LRP5: variants seen among roughly 807,000 people sequenced by gnomAD.
The protein encoded by LRP5 is low-density lipoprotein receptor-related protein 5.
LRP5 carries 62 observed loss-of-function variants against 154.1 expected under a neutral mutation model. The ratio of observed to expected loss-of-function variants is 0.40; its 90% CI spans 0.33 to 0.50. LRP5 has a LOEUF of 0.50. Among genes scored for constraint, LRP5 ranks in the 20% least tolerant of loss-of-function variants. The probability of loss-of-function intolerance (pLI) is 0.55; values close to 1 mark genes in which losing one functional copy is unlikely to be tolerated. For missense variants in LRP5, 1,915 were observed against 2,336.7 expected (o/e 0.82, Z 3.72); for synonymous variants, 966 against 1,011.5 (o/e 0.96, Z 0.85).
the LRP5 span, among the ~76,000 whole-genome samples, chr11:68,306,343 C>G: frequency 6.6e-6 from 1 of 152,088 alleles, no homozygotes; most frequent in Admixed American, 6.6e-5. Flanking sequence ...ATCATGTTGG[C>G]CAGGCTGCTC....
At chr11:68,330,117 G>A (rs2889082) in intron 1 of LRP5, among the ~76,000 whole-genome samples, 1 of 152,198 alleles carries the variant, frequency 6.6e-6, no homozygotes, top group East Asian at 1.9e-4. Flanking sequence ...GGCTTGCAGA[G>A]TATGTGTGCA....
At chr11:68,364,868 A>G (rs1447186512) in intron 4 of LRP5, among the ~76,000 whole-genome samples, 1 of 152,040 alleles carries the variant, frequency 6.6e-6, no homozygotes, top group Non-Finnish European at 1.5e-5. Context: ...TGAGGGAGGG[A>G]GAGGTTCATT....
intron 13 of LRP5, among the ~76,000 whole-genome samples, chr11:68,420,529 A>T (rs2098664955): frequency 6.6e-6 from 1 of 151,980 alleles, no homozygotes; most frequent in Admixed American, 6.6e-5. Context: ...ACATAGTGAA[A>T]CCCTGGCTCT....
chr11:68,411,034 G>T lies in LRP5; in HGVS notation c.2319-402G>T, dbSNP rs372105268. ...GAGCCCAGAGCCGAGTTTACATCCG[G>T]ATCCCGCAAGGCCTCCCCTGCCCTG... On this transcript the variant is annotated intron_variant, in intron 10 of 22. Coordinates refer to ENST00000294304, the MANE Select transcript of LRP5 (RefSeq NM_002335.4). Among the ~76,000 whole-genome samples, 47 of 152,278 alleles carry T rather than the reference G, an allele frequency of 3.1e-4. No individual in the cohort carries two copies. In the East Asian group the frequency reaches 5.8e-3, roughly 19 times the overall value.
intron 21 of LRP5, among the ~76,000 whole-genome samples, chr11:68,445,909 A>G (rs1437733884): frequency 6.6e-6 from 1 of 152,218 alleles, no homozygotes; most frequent in African/African-American, 2.4e-5. Flanking sequence ...CTTCTGTGTC[A>G]GGGCTTCAGC....
At chr11:68,326,269 A>G (rs913421802) in intron 1 of LRP5, among the ~76,000 whole-genome samples, 3 of 151,988 alleles carry the variant, frequency 2.0e-5, no homozygotes, top group Non-Finnish European at 4.4e-5. Flanking sequence ...CTGACTATCT[A>G]TTTGTAGGTG....
Position 68,429,670 on chromosome 11 carries a change from G to A in LRP5, c.3733G>A (p.Val1245Met), listed in dbSNP as rs1215728276. 1.3e-5 allele frequency: 21 copies of A among 1,614,012 alleles called. No individual in the cohort carries two copies. Among genetic ancestry groups the A allele is most frequent in the African/African-American group, 4.0e-5 (3 of 74,926 alleles). ...ACGGTGCTCATGCCCAGTCCACCTC[G>A]TGCTCCTGCAGAACCTGCTGACCTG... ...TPRCSCPVHL[V>M]LLQNLLTCGE... is the part of the protein sequence containing the mutation. The change falls in exon 17 of 23, where the codon GTG becomes ATG. Residue 1245 changes from valine (V) to methionine (M), a missense_variant. Transcript: ENST00000294304.
chr11:68,362,955 A>G (rs561862901), intron 3 of LRP5, among the ~76,000 whole-genome samples: 2 of 152,198 alleles, frequency 1.3e-5, no homozygotes, highest in East Asian at 3.9e-4. Context: ...AAAACTGCAC[A>G]TTACCGACCA....
intron 22 of LRP5, 86 bp from the exon 23 acceptor site, chr11:68,448,723 T>G: frequency 6.4e-7 from 1 of 1,551,582 alleles, no homozygotes; most frequent in Admixed American, 1.7e-5. Context: ...TGGACAGGCC[T>G]TTCCCGTTCA....
chr11:68,429,021 C>T (rs780968702), intron 16 of LRP5, among the ~76,000 whole-genome samples: 42 of 143,720 alleles, frequency 2.9e-4, no homozygotes, highest in Admixed American at 6.4e-4. Context: ...GGCATGAACC[C>T]GGGAGGTGGA....
chr11:68,394,760 G>T (rs904755946), intron 7 of LRP5, among the ~76,000 whole-genome samples: 2 of 151,918 alleles, frequency 1.3e-5, no homozygotes, highest in Non-Finnish European at 2.9e-5. Flanking sequence ...CACCGCGCCC[G>T]GCCCGATTTC....
At chr11:68,358,278 G>C (rs1287952326) in intron 3 of LRP5, among the ~76,000 whole-genome samples, 1 of 152,032 alleles carries the variant, frequency 6.6e-6, no homozygotes, top group East Asian at 1.9e-4. Flanking sequence ...ACCACACCTG[G>C]CTAATTTTTG....
At chr11:68,389,787 G>A in intron 6 of LRP5, 94 bp from the exon 7 acceptor site, 1 of 1,281,992 alleles carries the variant, frequency 7.8e-7, no homozygotes, top group Non-Finnish European at 1.1e-6. Flanking sequence ...CATGTGATGG[G>A]GGCCGGCTTG....
chr11:68,354,577 G>A (rs923819948), intron 2 of LRP5, among the ~76,000 whole-genome samples: 3 of 152,230 alleles, frequency 2.0e-5, no homozygotes, highest in Non-Finnish European at 2.9e-5. Flanking sequence ...GGCGTCTGCC[G>A]CAGGCACGCG....
intron 8 of LRP5, 104 bp from the exon 9 acceptor site, chr11:68,406,420 C>G (rs2098655696): frequency 4.7e-6 from 6 of 1,285,640 alleles, no homozygotes; most frequent in Non-Finnish European, 3.4e-6. Flanking sequence ...CTCGGCACCC[C>G]TGAGCTGTGT....
chr11:68,331,906 G>A (rs1196974961), intron 1 of LRP5, among the ~76,000 whole-genome samples: 2 of 152,180 alleles, frequency 1.3e-5, no homozygotes, highest in African/African-American at 4.8e-5. Context: ...AAGCTGGTGA[G>A]TGTGAGGCGG....
At chr11:68,373,152 C>G (rs2098635281) in intron 5 of LRP5, among the ~76,000 whole-genome samples, 1 of 152,180 alleles carries the variant, frequency 6.6e-6, no homozygotes, top group African/African-American at 2.4e-5. Context: ...CTGGGACTCC[C>G]TCCTGGGTGT....
chr11:68,427,966 T>TTTCA (rs1246178841), intron 16 of LRP5, among the ~76,000 whole-genome samples: 2 of 79,036 alleles, frequency 2.5e-5, no homozygotes, highest in South Asian at 1.0e-3. Flanking sequence ...TTTTATTTTA[T>TTTCA]TTTATTTTTT....
At chr11:68,426,844 C>T (rs539462664) in intron 16 of LRP5, among the ~76,000 whole-genome samples, 12 of 152,344 alleles carry the variant, frequency 7.9e-5, no homozygotes, top group Non-Finnish European at 1.0e-4. Context: ...GGGCCCTCAG[C>T]GGAGGCTCTG....
Sources: gnomAD v4.1 joint callset for allele counts (sites outside exome capture counted in the v4.1 genomes callset) on GRCh38, gnomAD v4.1.1 for gene constraint, MANE v1.5 for transcripts, NCBI Gene and HGNC (gene_info 2026-07-23, HGNC 2026-07-21) for gene names.